The following SLIT3 variants were observed in gnomAD, a reference collection of about 807,000 sequenced individuals.
SLIT3 encodes the protein slit guidance ligand 3, also known as slit homolog 3 protein.
SLIT3 carries 68 observed loss-of-function variants against 184.0 expected under a neutral mutation model. That is an observed-to-expected ratio of 0.37 (90% CI 0.30 to 0.45). SLIT3 has a LOEUF of 0.45. SLIT3 is among the 20% of genes least tolerant of loss of function. The probability of loss-of-function intolerance (pLI) is 1.00; values close to 1 mark genes in which losing one functional copy is unlikely to be tolerated. For synonymous variants in SLIT3, 831 were observed against 828.6 expected (o/e 1.00, Z -0.05); for missense variants, 1,707 against 2,026.0 (o/e 0.84, Z 3.02).
Position 169,068,279 on chromosome 5 carries a change from G to A in SLIT3, c.413+125200C>T, listed in dbSNP as rs568060084. Among the ~76,000 whole-genome samples the A allele has an allele frequency of 2.0e-4, 31 of 152,194 alleles. No individual in the cohort carries two copies. The South Asian group carries it at 2.5e-3, about 12-fold the overall frequency. Reference sequence around the variant, plus strand: ...TATAACATTTCTTCACTTATATCTCGCCATTTTCCAAAAAATATATGAAAC... The same window carrying A: ...TATAACATTTCTTCACTTATATCTCACCATTTTCCAAAAAATATATGAAAC... On this transcript the variant is annotated intron_variant, in intron 4 of 35. Coordinates refer to ENST00000519560, the MANE Select transcript of SLIT3 (RefSeq NM_003062.4).
chr5:169,011,442 A>G (rs17070712), intron 4 of SLIT3, among the ~76,000 whole-genome samples: 2,313 of 152,278 alleles, frequency 0.015, 25 homozygotes, highest in East Asian at 0.028. Flanking sequence ...ACACCCATCT[A>G]CAAATAGGAA....
intron 9 of SLIT3, among the ~76,000 whole-genome samples, chr5:168,797,081 G>A (rs1264845849): frequency 3.3e-5 from 5 of 151,950 alleles, no homozygotes; most frequent in East Asian, 1.9e-4. Context: ...GCACTTTACC[G>A]GGAGCACAGT....
At chr5:169,023,512 A>G (rs1220160718) in intron 4 of SLIT3, 12 of 152,136 alleles carry the variant, frequency 7.9e-5, no homozygotes, top group Non-Finnish European at 1.3e-4. Flanking sequence ...AACTCTCCCC[A>G]GACTTCTGTG....
At position 168,740,083 on chromosome 5, in the gene SLIT3, C is replaced by G. The variant is rs114293880; in HGVS notation, c.2270+8219G>C. 7.9e-4 allele frequency among the ~76,000 whole-genome samples: 120 copies of G among 152,222 alleles called. 1 individual carries two copies. Among genetic ancestry groups the G allele is most frequent in the African/African-American group, 2.8e-3 (116 of 41,526 alleles). On this transcript the variant is annotated intron_variant, in intron 20 of 35. Coordinates refer to ENST00000519560, the MANE Select transcript of SLIT3 (RefSeq NM_003062.4). ...CCACATAAACACAGGTTCTTGGAGT[C>G]CTGGATGCTTCTGAAAAGCATAAAG...
In SLIT3 at chr5:168,687,012, T is replaced by A; in HGVS notation, c.3281A>T (p.Asn1094Ile). Residue 1094 changes from asparagine (N) to isoleucine (I), a missense_variant, in exon 30 of 36, where the codon AAT becomes ATT. Physicochemically the swap from Asn to Ile is moderately radical, Grantham distance 149. This residue lies in a region of SLIT3 where 1,307 missense variants were observed against 1,511.6 expected (regional missense o/e 0.86). Transcript: ENST00000519560. ...CTGGGGGCAGGTGCATGTGTAGCCA[T>A]TGATTGTGTCCACGCACTGGGCCCC... Reference protein sequence around the residue: ...RHGAQCVDTINGYTCTCPQGF... With the variant: ...RHGAQCVDTIIGYTCTCPQGF... 6.2e-7 allele frequency: 1 copy of A among 1,614,246 alleles called. No homozygotes were observed. The highest frequency in any genetic ancestry group is 8.5e-7 in the Non-Finnish European group (1 of 1,180,020).
intron 5 of SLIT3, among the ~76,000 whole-genome samples, chr5:168,849,474 G>A (rs996206693): frequency 5.9e-5 from 9 of 152,164 alleles, no homozygotes; most frequent in African/African-American, 2.2e-4. Context: ...AATAAGTGTG[G>A]GGACTTCTGC....
intron 4 of SLIT3, among the ~76,000 whole-genome samples, chr5:168,936,915 TG>T (rs900942733): frequency 1.3e-5 from 2 of 152,168 alleles, no homozygotes; most frequent in African/African-American, 4.8e-5. Context: ...GCTTCTACTT[TG>T]GGGGATGTAC....
chr5:169,228,551 C>T (rs1213149384), intron 3 of SLIT3, among the ~76,000 whole-genome samples: 2 of 152,148 alleles, frequency 1.3e-5, no homozygotes, highest in East Asian at 1.9e-4. Flanking sequence ...CATGTCAATC[C>T]CCCTACAGCA....
intron 4 of SLIT3, among the ~76,000 whole-genome samples, chr5:169,087,528 A>G (rs770551535): frequency 3.4e-4 from 52 of 152,312 alleles, no homozygotes; most frequent in Non-Finnish European, 6.0e-4. Context: ...TCAGTGTACA[A>G]TTAGGAACAA....
chr5:169,238,393 T>C lies in SLIT3; in HGVS notation c.341+6312A>G, dbSNP rs1765270990. 2.6e-5 allele frequency among the ~76,000 whole-genome samples: 4 copies of C among 152,076 alleles called. No homozygotes were observed. The South Asian group carries it at 8.3e-4, about 31-fold the overall frequency. ...TTTGCTTTGTGGGTATCTCCTTTTA[T>C]ATGTTTTCATTGTTTCTAAGAAAGT... On this transcript the variant is annotated intron_variant, in intron 3 of 35. Coordinates refer to ENST00000519560, the MANE Select transcript of SLIT3 (RefSeq NM_003062.4).
chr5:168,912,802 T>C (rs577762613), intron 4 of SLIT3, among the ~76,000 whole-genome samples: 1 of 152,032 alleles, frequency 6.6e-6, no homozygotes, highest in Admixed American at 6.6e-5. Flanking sequence ...CACATCACCA[T>C]CCTCAAACTT....
At chr5:169,137,351 G>A (rs1412374570) in intron 4 of SLIT3, among the ~76,000 whole-genome samples, 1 of 151,684 alleles carries the variant, frequency 6.6e-6, no homozygotes, top group Non-Finnish European at 1.5e-5. Context: ...GAGAGAGAGA[G>A]AGAGAAACAG....
intron 5 of SLIT3, among the ~76,000 whole-genome samples, chr5:168,850,966 G>A (rs573711927): frequency 6.6e-6 from 1 of 152,112 alleles, no homozygotes; most frequent in Non-Finnish European, 1.5e-5. Context: ...CCTGTATATT[G>A]GGCTTTTGGC....
chr5:169,204,415 A>G (rs1179233153), intron 3 of SLIT3, among the ~76,000 whole-genome samples: 1 of 152,168 alleles, frequency 6.6e-6, no homozygotes, highest in Non-Finnish European at 1.5e-5. Context: ...AGGAGGAGAG[A>G]AAACGGGTTG....
At chr5:168,930,321 T>C (rs746722761) in intron 4 of SLIT3, among the ~76,000 whole-genome samples, 3 of 152,152 alleles carry the variant, frequency 2.0e-5, no homozygotes, top group Non-Finnish European at 4.4e-5. Flanking sequence ...TTGTTAATTT[T>C]CTCTACACAA....
chr5:168,750,183 C>T (rs1042634440), intron 18 of SLIT3, among the ~76,000 whole-genome samples: 3 of 152,186 alleles, frequency 2.0e-5, no homozygotes, highest in Admixed American at 6.5e-5. Context: ...GTCTGTTTGC[C>T]TCTGCATATC....
chr5:168,903,540 T>C (rs1233326169), intron 4 of SLIT3, among the ~76,000 whole-genome samples: 1 of 152,200 alleles, frequency 6.6e-6, no homozygotes, highest in Non-Finnish European at 1.5e-5. Context: ...CTGACTTGCC[T>C]GCTCTTTGTT....
At chr5:168,952,710 G>C (rs555725672) in intron 4 of SLIT3, among the ~76,000 whole-genome samples, 2 of 152,318 alleles carry the variant, frequency 1.3e-5, no homozygotes, top group Admixed American at 1.3e-4. Context: ...TGAATGGGCT[G>C]ACCCAATTGG....
At chr5:169,081,945 T>C (rs1298067779) in intron 4 of SLIT3, among the ~76,000 whole-genome samples, 1 of 152,210 alleles carries the variant, frequency 6.6e-6, no homozygotes, top group East Asian at 1.9e-4. Context: ...AGCTGGGTTG[T>C]TGCTGAGCCA....
Sources: gnomAD v4.1 joint callset for allele counts (sites outside exome capture counted in the v4.1 genomes callset) on GRCh38, gnomAD v4.1.1 for gene constraint, gnomAD v4.1.1 regional missense constraint, MANE v1.5 for transcripts, NCBI Gene and HGNC (gene_info 2026-07-23, HGNC 2026-07-21) for gene names.